Variants in RIPK1 observed in about 807,000 individuals in gnomAD.
The protein encoded by RIPK1 is receptor-interacting serine/threonine-protein kinase 1.
A neutral mutation model predicts 62.4 loss-of-function variants in RIPK1; 27 were observed. The observed-to-expected ratio is 0.43, with a 90% CI of 0.32 to 0.60. The LOEUF (loss-of-function observed/expected upper bound fraction) is 0.60. RIPK1 is among the 20% of genes least tolerant of loss of function. The pLI, the probability that RIPK1 is intolerant of heterozygous loss-of-function variation, is 0.07. For synonymous variants in RIPK1, 287 were observed against 303.2 expected, an observed-to-expected ratio of 0.95 and a Z score of 0.55; for missense variants, 735 against 831.0, an observed-to-expected ratio of 0.88 and a Z score of 1.42.
chr6:3,097,199 G>A (rs1344816314), intron 7 of RIPK1, among the ~76,000 whole-genome samples: 1 of 152,128 alleles, frequency 6.6e-6, no homozygotes, highest in Admixed American at 6.5e-5. Context: ...TTTTGTGTGT[G>A]TGTGGCAAGT....
rs1361945135 is a variant in RIPK1 at position 3,110,916 on chromosome 6, T to C, written c.1690T>C (p.Phe564Leu). 2 of 1,613,390 alleles carry C rather than the reference T, an allele frequency of 1.2e-6. No homozygotes were observed. The highest frequency in any genetic ancestry group is 1.7e-6 in the Non-Finnish European group (2 of 1,179,740). Residue 564 changes from phenylalanine to leucine, a missense_variant, in exon 10 of 11, where the codon TTC becomes CTC. Phe to Leu is a conservative substitution (Grantham distance 22). Around this residue, in one of 2 missense-constraint regions of RIPK1, gnomAD observed 671 missense variants for 726.2 expected, o/e 0.92. Transcript: ENST00000259808. ...SSLLDSTNTN[F>L]KEEPAAKYQA... The stretch of plus-strand genomic sequence containing the variant: ...ACTACTAGACAGCACAAATACGAAC[T>C]TCAAAGAAGAGCCAGCTGCTAAGTA...
Position 3,068,662 on chromosome 6 carries a change from G to A in RIPK1, c.-61+1G>A, listed in dbSNP as rs1397787137. 4 of 985,202 alleles carry A rather than the reference G, an allele frequency of 4.1e-6. No homozygotes were observed. The highest frequency in any genetic ancestry group is 4.8e-6 in the Non-Finnish European group (4 of 829,912). 61.0% of individuals were successfully genotyped at this position (985,202 alleles called of 1,614,324 possible). A position where few individuals can be genotyped will look rare whatever the true frequency, so the allele number is the denominator to read the frequency against. Reference sequence around the variant, plus strand: ...CGGCGCGGCCACGGAGAAGGGCGCGGTGAGCGGACTGGCACCGCGCGGGGA... The same window carrying A: ...CGGCGCGGCCACGGAGAAGGGCGCGATGAGCGGACTGGCACCGCGCGGGGA... On this transcript the variant is annotated splice_donor_variant, in intron 1 of 10. Transcript: ENST00000259808. LOFTEE classifies it low-confidence loss of function (5UTR_SPLICE).
intron 9 of RIPK1, among the ~76,000 whole-genome samples, chr6:3,107,400 CAA>C (rs1167089664): frequency 3.4e-4 from 19 of 55,276 alleles, no homozygotes; most frequent in Admixed American, 5.9e-4. Context: ...ACTAAAAATA[CAA>C]AAAAAAAAAA....
intron 7 of RIPK1, among the ~76,000 whole-genome samples, chr6:3,098,008 C>T (rs1206495327): frequency 6.6e-6 from 1 of 152,054 alleles, no homozygotes; most frequent in Non-Finnish European, 1.5e-5. Context: ...CTAGCCTGGG[C>T]AACATAGTGA....
intron 7 of RIPK1, among the ~76,000 whole-genome samples, chr6:3,094,378 AT>A (rs1264941233): frequency 6.6e-6 from 1 of 152,188 alleles, no homozygotes; most frequent in East Asian, 1.9e-4. Context: ...TTCAAAATTA[AT>A]TTTAAAAAGG....
At chr6:3,068,908 A>C in intron 1 of RIPK1, 1 of 157,822 alleles carries the variant, frequency 6.3e-6, no homozygotes, top group Non-Finnish European at 1.4e-5. Context: ...GCTTCCCGGA[A>C]GGAGAGGGAC....
rs17513222 is a variant in RIPK1 at position 3,105,288 on chromosome 6, T to C, written c.1007-194T>C. ...TGCTATAATTTTCCTAGTACTCTCT[T>C]ACTGCCAGCGAGGAGCTCCTATTAT... is the stretch of plus-strand genomic sequence containing the variant. On this transcript the variant is annotated intron_variant, in intron 8 of 10. Transcript: ENST00000259808. This position sits in a 1 kb window ranked among gnomAD's most constrained non-coding sequence, Gnocchi z 4.5. 0.15 allele frequency among the ~76,000 whole-genome samples: 23,065 copies of C among 152,132 alleles called. 4,599 individuals are homozygous for C. Among genetic ancestry groups the C allele is most frequent in the African/African-American group, 0.46 (19,128 of 41,434 alleles).
At chr6:3,083,936 C>A (rs1452608808) in intron 5 of RIPK1, among the ~76,000 whole-genome samples, 2 of 152,082 alleles carry the variant, frequency 1.3e-5, no homozygotes, top group Non-Finnish European at 2.9e-5. Flanking sequence ...TGCAGCTCGC[C>A]CCGCTTCACC....
rs1256292124 is a variant in RIPK1 at position 3,076,838 on chromosome 6, G to T, written c.15G>T (p.Met5Ile). 1 of 1,613,200 alleles carries T rather than the reference G, an allele frequency of 6.2e-7. No individual in the cohort carries two copies. The highest frequency in any genetic ancestry group is 1.7e-5 in the Admixed American group (1 of 59,932). The change falls in exon 2 of 11, where the codon ATG (methionine) becomes ATT (isoleucine). Residue 5 changes from methionine (M) to isoleucine (I), a missense_variant. Met to Ile is a conservative substitution (Grantham distance 10). Around this residue, in one of 2 missense-constraint regions of RIPK1, gnomAD observed 671 missense variants for 726.2 expected, o/e 0.92. Coordinates refer to ENST00000259808, the MANE Select transcript of RIPK1 (RefSeq NM_001354930.2). ...TGAGCTTCAGAATGCAACCAGACAT[G>T]TCCTTGAATGTCATTAAGATGAAAT... MQPD[M>I]SLNVIKMKSS...
chr6:3,110,282 C>T (rs1246077294), intron 9 of RIPK1, among the ~76,000 whole-genome samples: 1 of 150,568 alleles, frequency 6.6e-6, no homozygotes, highest in South Asian at 2.1e-4. Flanking sequence ...TCTTGGCTCA[C>T]TCTGCAAGCT....
At chr6:3,077,461 T>G (rs1008534092) in intron 2 of RIPK1, among the ~76,000 whole-genome samples, 1 of 152,046 alleles carries the variant, frequency 6.6e-6, no homozygotes, top group Admixed American at 6.5e-5. Context: ...AGGCTGTTTT[T>G]TTTTTTTTTA....
Position 3,081,122 on chromosome 6 carries a change from C to G in RIPK1, c.459+6C>G. 6.2e-7 allele frequency: 1 copy of G among 1,612,494 alleles called. No individual in the cohort carries two copies. The highest frequency in any genetic ancestry group is 8.5e-7 in the Non-Finnish European group (1 of 1,179,404). ...ATAATGACTTCCACATTAAGGTAAA[C>G]CATCATCGGTAGGCTTCCAGAAAGT... is the stretch of plus-strand genomic sequence containing the variant. On this transcript the variant is annotated splice_donor_region_variant and intron_variant, in intron 4 of 10. Transcript: ENST00000259808.
intron 9 of RIPK1, among the ~76,000 whole-genome samples, chr6:3,108,607 C>T (rs1471924106): frequency 6.6e-6 from 1 of 152,106 alleles, no homozygotes; most frequent in East Asian, 1.9e-4. Flanking sequence ...CTGTGCCTGG[C>T]GATGCGCAGA....
At position 3,077,948 on chromosome 6, in the gene RIPK1, C is replaced by T; in HGVS notation, c.321+13C>T. The T allele has an allele frequency of 6.2e-7, 1 of 1,612,944 alleles. No individual in the cohort carries two copies. Among genetic ancestry groups the T allele is most frequent in the East Asian group, 2.2e-5 (1 of 44,888 alleles). The stretch of plus-strand genomic sequence containing the variant: ...GCTGAAAGCCGAGGTAGAGAGGGCC[C>T]CTCCGCACGGGGATCCCCAGCGCTT... On this transcript the variant is annotated intron_variant, in intron 3 of 10. Coordinates refer to ENST00000259808, the MANE Select transcript of RIPK1 (RefSeq NM_001354930.2).
At chr6:3,098,396 GA>G (rs1760424292) in intron 7 of RIPK1, among the ~76,000 whole-genome samples, 1 of 152,156 alleles carries the variant, frequency 6.6e-6, no homozygotes, top group African/African-American at 2.4e-5. Flanking sequence ...GGTAATTAGA[GA>G]AATGCAAATT....
chr6:3,072,245 T>A lies in RIPK1; in HGVS notation c.-61+3584T>A, dbSNP rs1561743343. Among the ~76,000 whole-genome samples the A allele has an allele frequency of 6.6e-6, 1 of 152,228 alleles. No individual in the cohort carries two copies. Among genetic ancestry groups the A allele is most frequent in the East Asian group, 1.9e-4 (1 of 5,206 alleles). The stretch of plus-strand genomic sequence containing the variant: ...AAAATAATTTTAATTTTACATTTAA[T>A]TCATGTCTATTGTGGAAAATTTGGA... On this transcript the variant is annotated intron_variant, in intron 1 of 10. Transcript: ENST00000259808. This position sits in a 1 kb window ranked among gnomAD's most constrained non-coding sequence, Gnocchi z 5.6.
At chr6:3,065,264 C>CAAAAAAAAAAAAAAAAA (rs57722248), upstream of RIPK1, among the ~76,000 whole-genome samples, 2 of 40,636 alleles carry the variant, frequency 4.9e-5, no homozygotes, top group African/African-American at 2.3e-4. Flanking sequence ...GACTCCGTCT[C>CAAAAAAAAAAAAAAAAA]AAAAAAAAAA....
chr6:3,072,922 T>C lies in RIPK1; in HGVS notation c.-60-3842T>C. On this transcript the variant is annotated intron_variant, in intron 1 of 10. Coordinates refer to ENST00000259808, the MANE Select transcript of RIPK1 (RefSeq NM_001354930.2). The surrounding 1 kb of genome is among the most constrained non-coding windows in gnomAD (Gnocchi z 5.6). ...TATGCCCTCTGTCTCCACCCGCTCC[T>C]ACCTCATTCTCACTAGGATTGGTCA... is the stretch of plus-strand genomic sequence containing the variant. Among the ~76,000 whole-genome samples the C allele has an allele frequency of 6.6e-6, 1 of 152,156 alleles. No individual in the cohort carries two copies. The highest frequency in any genetic ancestry group is 1.5e-5 in the Non-Finnish European group (1 of 68,010).
chr6:3,105,095 G>A lies in RIPK1; in HGVS notation c.1007-387G>A, dbSNP rs544936195. Among the ~76,000 whole-genome samples, 29 of 152,084 alleles carry A rather than the reference G, an allele frequency of 1.9e-4. No individual in the cohort carries two copies. Among genetic ancestry groups the A allele is most frequent in the South Asian group, 6.2e-4 (3 of 4,818 alleles). On this transcript the variant is annotated intron_variant, in intron 8 of 10. Transcript: ENST00000259808. The surrounding 1 kb of genome is among the most constrained non-coding windows in gnomAD (Gnocchi z 4.5). ...TCGAACTCCTGACCTCAGGTGATCC[G>A]TCCGCCTCAGCCTCCCAACGTGCTA...
Sources: allele counts gnomAD v4.1 joint callset (sites outside exome capture counted in the v4.1 genomes callset), GRCh38; gene constraint gnomAD v4.1.1; regional missense constraint gnomAD v4.1.1; non-coding constraint Gnocchi (gnomAD v3.1); transcripts MANE v1.5; gene names NCBI Gene and HGNC (gene_info 2026-07-23, HGNC 2026-07-21).